Variants in TTC6 observed in about 807,000 individuals in gnomAD.
The protein encoded by TTC6 is tetratricopeptide repeat domain 6.
In TTC6, 172 loss-of-function variants were observed where a neutral mutation model predicts 210.4. The observed-to-expected ratio is 0.82, with a 90% CI of 0.72 to 0.93. The LOEUF (loss-of-function observed/expected upper bound fraction) is 0.93. Ranked by LOEUF, TTC6 falls within the 40% of genes least tolerant of loss-of-function variation. The pLI is 0.00. For missense variants in TTC6, 2,414 were observed against 2,318.1 expected, an observed-to-expected ratio of 1.04 and a Z score of -0.85; for synonymous variants, 804 against 819.6, an observed-to-expected ratio of 0.98 and a Z score of 0.32.
chr14:37,657,942 C>G (rs777228073), intron 1 of TTC6, among the ~76,000 whole-genome samples: 4 of 152,078 alleles, frequency 2.6e-5, no homozygotes, highest in East Asian at 3.9e-4. Flanking sequence ...TTTAGAGATG[C>G]ATTTGTTCCA....
chr14:37,767,337 A>G (rs2096002631), intron 14 of TTC6, among the ~76,000 whole-genome samples: 1 of 152,168 alleles, frequency 6.6e-6, no homozygotes, highest in African/African-American at 2.4e-5. Context: ...GCTGGGTCAA[A>G]TGGTATTTCT....
chr14:37,675,434 C>T (rs2095766990), intron 1 of TTC6, among the ~76,000 whole-genome samples: 1 of 152,086 alleles, frequency 6.6e-6, no homozygotes, highest in Non-Finnish European at 1.5e-5. Flanking sequence ...AATGGTATTC[C>T]ATTGTATGGA....
upstream of TTC6, chr14:37,595,836 T>C (rs1019028682): frequency 1.3e-5 from 2 of 152,194 alleles, no homozygotes; most frequent in Non-Finnish European, 2.9e-5. Flanking sequence ...ACTTTTTTTT[T>C]TCTTTCCTCC....
In TTC6 at chr14:37,792,431, A is replaced by G; in HGVS notation, c.3708+17A>G. 6.9e-7 allele frequency: 1 copy of G among 1,451,074 alleles called. No homozygotes were observed. The highest frequency in any genetic ancestry group is 9.0e-7 in the Non-Finnish European group (1 of 1,111,192). 89.9% of individuals were successfully genotyped at this position (1,451,074 alleles called of 1,614,324 possible). A position where few individuals can be genotyped will look rare whatever the true frequency, so the allele number is the denominator to read the frequency against. ...TATTTTAAGGTATTTAAGGCTCGAG[A>G]ACCTTGATTTTTTTAAAAAAACTTT... On this transcript the variant is annotated intron_variant, in intron 17 of 30. Coordinates refer to ENST00000553443, the Ensembl canonical transcript of TTC6.
At chr14:37,674,521 G>T (rs1216597857) in intron 1 of TTC6, among the ~76,000 whole-genome samples, 1 of 152,018 alleles carries the variant, frequency 6.6e-6, no homozygotes, top group African/African-American at 2.4e-5. Context: ...AAGCATATGA[G>T]GTATGTGCTA....
chr14:37,808,648 C>G, intron 23 of TTC6, 85 bp from the exon 26 acceptor site: 1 of 709,886 alleles, frequency 1.4e-6, no homozygotes, highest in Non-Finnish European at 2.3e-6. Flanking sequence ...TTCAAAAACT[C>G]TGATAGAAAC....
At chr14:37,677,263 GT>G (rs1423163220) in intron 1 of TTC6, among the ~76,000 whole-genome samples, 1 of 151,708 alleles carries the variant, frequency 6.6e-6, no homozygotes, top group Non-Finnish European at 1.5e-5. Context: ...AAGTCTTGTG[GT>G]TTTTTGGTTA....
At position 37,686,410 on chromosome 14, in the gene TTC6, G is replaced by T. The variant is rs562923408; in HGVS notation, c.1257+3446G>T. On this transcript the variant is annotated intron_variant, in intron 3 of 30. Transcript: ENST00000553443. ...TTGTAGAGGAGATTGTCGTCAGGTG[G>T]ACTACTAAATGGATTTGTAACTACT... 7.6e-4 allele frequency among the ~76,000 whole-genome samples: 115 copies of T among 152,288 alleles called. 1 individual carries two copies. Among genetic ancestry groups the T allele is most frequent in the Admixed American group, 2.2e-3 (33 of 15,290 alleles).
chr14:37,703,182 G>A (rs897701106), intron 5 of TTC6, among the ~76,000 whole-genome samples: 2 of 151,832 alleles, frequency 1.3e-5, no homozygotes, highest in African/African-American at 2.4e-5. Context: ...CACTACACAA[G>A]CCAAGCATCA....
intron 2 of TTC6, among the ~76,000 whole-genome samples, chr14:37,610,026 G>A (rs1595004908): frequency 1.3e-5 from 2 of 152,306 alleles, no homozygotes; most frequent in South Asian, 4.1e-4. Context: ...GTATTAGGGA[G>A]TGAAATAACA....
chr14:37,810,116 G>A (rs1285072009), intron 24 of TTC6, among the ~76,000 whole-genome samples: 1 of 152,192 alleles, frequency 6.6e-6, no homozygotes, highest in African/African-American at 2.4e-5. Context: ...TAAAATTCCT[G>A]GTAACCAGAT....
chr14:37,824,715 G>T (rs1219830418), intron 27 of TTC6, among the ~76,000 whole-genome samples: 2 of 152,126 alleles, frequency 1.3e-5, no homozygotes, highest in East Asian at 3.8e-4. Context: ...AAATAACCTA[G>T]CTTTGTTTGA....
chr14:37,838,215 C>A (rs531920335), intron 29 of TTC6, among the ~76,000 whole-genome samples: 1 of 152,260 alleles, frequency 6.6e-6, no homozygotes, highest in Admixed American at 6.5e-5. Context: ...GTCTAATCAG[C>A]ATCTCAACTA....
chr14:37,624,493 C>G (rs528950412), intron 1 of TTC6, among the ~76,000 whole-genome samples: 5 of 152,232 alleles, frequency 3.3e-5, no homozygotes, highest in Non-Finnish European at 5.9e-5. Context: ...TACCTCAGAG[C>G]AGGGTCCCAT....
At chr14:37,626,110 A>G (rs2095659849) in intron 1 of TTC6, among the ~76,000 whole-genome samples, 1 of 152,220 alleles carries the variant, frequency 6.6e-6, no homozygotes, top group South Asian at 2.1e-4. Flanking sequence ...GGCGGGGGCA[A>G]AATTATGCCA....
chr14:37,680,377 G>C, intron 2 of TTC6, 116 bp downstream of exon 4: 1 of 661,738 alleles, frequency 1.5e-6, no homozygotes, highest in Non-Finnish European at 2.5e-6. Context: ...TTAGAAGTGT[G>C]TTTACCTGTG....
intron 7 of TTC6, 147 bp from the exon 10 acceptor site, chr14:37,735,774 G>T: frequency 1.8e-6 from 1 of 545,408 alleles, no homozygotes. Context: ...ATGCATCTCT[G>T]GTAAGTGTTT....
At chr14:37,663,013 T>A (rs543129888) in intron 1 of TTC6, among the ~76,000 whole-genome samples, 43 of 152,308 alleles carry the variant, frequency 2.8e-4, no homozygotes, top group Middle Eastern at 3.4e-3. Flanking sequence ...ATTTTTTTTT[T>A]ATCCATGAGC....
At chr14:37,822,583 C>T (rs2096160545) in intron 26 of TTC6, among the ~76,000 whole-genome samples, 1 of 152,116 alleles carries the variant, frequency 6.6e-6, no homozygotes. Flanking sequence ...CTTATCTGAG[C>T]CTCATAACAA....
Sources: allele counts gnomAD v4.1 joint callset (sites outside exome capture counted in the v4.1 genomes callset), GRCh38; gene constraint gnomAD v4.1.1; transcripts MANE v1.5; gene names NCBI Gene and HGNC (gene_info 2026-07-23, HGNC 2026-07-21).